Variants in LINGO2 observed in about 807,000 individuals in gnomAD.
LINGO2 encodes the protein leucine rich repeat and Ig domain containing 2, also known as leucine-rich repeat and immunoglobulin-like domain-containing nogo receptor-interacting protein 2.
LINGO2 carries 14 observed loss-of-function variants against 30.6 expected under a neutral mutation model. The ratio of observed to expected loss-of-function variants is 0.46; its 90% CI spans 0.30 to 0.72. The LOEUF is 0.72. LINGO2 is among the 30% of genes least tolerant of loss of function. The pLI, the probability that LINGO2 is intolerant of heterozygous loss-of-function variation, is 0.07. For missense variants in LINGO2, 729 were observed against 751.7 expected, an observed-to-expected ratio of 0.97 and a Z score of 0.35; for synonymous variants, 317 against 288.5, an observed-to-expected ratio of 1.10 and a Z score of -1.00.
chr9:28,926,674 T>G, the LINGO2 span, among the ~76,000 whole-genome samples: 1 of 152,178 alleles, frequency 6.6e-6, no homozygotes, highest in East Asian at 1.9e-4. Flanking sequence ...CTATTTTTAA[T>G]GTGTACGTAA....
At chr9:29,059,317 T>G in the LINGO2 span, among the ~76,000 whole-genome samples, 166 of 151,422 alleles carry the variant, frequency 1.1e-3, 3 homozygotes, top group East Asian at 0.015. Flanking sequence ...GCATAAAAAT[T>G]ACAAAATAAA....
chr9:28,181,639 A>G (rs1564023558), intron 4 of LINGO2, among the ~76,000 whole-genome samples: 2 of 152,196 alleles, frequency 1.3e-5, no homozygotes, highest in Non-Finnish European at 2.9e-5. Context: ...TCAAATTGAC[A>G]GCAAAGACCC....
chr9:28,263,822 T>A (rs1276207120), intron 4 of LINGO2, among the ~76,000 whole-genome samples: 1 of 151,996 alleles, frequency 6.6e-6, no homozygotes, highest in East Asian at 1.9e-4. Context: ...ATCAGTTGGC[T>A]AAGATGGGTT....
At chr9:28,693,800 T>C in the LINGO2 span, among the ~76,000 whole-genome samples, 1 of 152,140 alleles carries the variant, frequency 6.6e-6, no homozygotes, top group Non-Finnish European at 1.5e-5. Context: ...TATACATTTA[T>C]TCATTATACT....
chr9:28,537,900 T>G (rs1448367921), intron 1 of LINGO2, among the ~76,000 whole-genome samples: 1 of 151,814 alleles, frequency 6.6e-6, no homozygotes, highest in Non-Finnish European at 1.5e-5. Context: ...ACACTTCTTT[T>G]AGAAGAAATA....
the LINGO2 span, among the ~76,000 whole-genome samples, chr9:29,176,038 C>G: frequency 6.6e-6 from 1 of 152,270 alleles, no homozygotes; most frequent in African/African-American, 2.4e-5. Context: ...AGTCCTCGAT[C>G]TGCACATACT....
At chr9:28,168,677 G>T (rs1324775732) in intron 4 of LINGO2, among the ~76,000 whole-genome samples, 1 of 152,218 alleles carries the variant, frequency 6.6e-6, no homozygotes, top group Non-Finnish European at 1.5e-5. Flanking sequence ...GACGCATATT[G>T]CTCTAAAGGT....
intron 5 of LINGO2, among the ~76,000 whole-genome samples, chr9:27,999,241 C>A (rs1469321199): frequency 5.3e-5 from 8 of 151,916 alleles, no homozygotes; most frequent in African/African-American, 1.9e-4. Context: ...GACAGAGAAG[C>A]CAAGAGGGTT....
the LINGO2 span, among the ~76,000 whole-genome samples, chr9:28,936,686 G>GA: frequency 6.6e-6 from 1 of 152,118 alleles, no homozygotes; most frequent in Non-Finnish European, 1.5e-5. Context: ...GGGTATTAAT[G>GA]AAATAATGTA....
At chr9:28,896,123 AAT>A in the LINGO2 span, among the ~76,000 whole-genome samples, 1 of 152,168 alleles carries the variant, frequency 6.6e-6, no homozygotes, top group Admixed American at 6.5e-5. Context: ...TGGACAGAAG[AAT>A]AGAGGACAGG....
the LINGO2 span, among the ~76,000 whole-genome samples, chr9:29,195,924 A>G: frequency 1.3e-5 from 2 of 152,252 alleles, no homozygotes; most frequent in South Asian, 4.1e-4. Context: ...AATGTAAGTT[A>G]TCCCTGCATC....
chr9:28,853,042 T>C, the LINGO2 span, among the ~76,000 whole-genome samples: 2 of 152,054 alleles, frequency 1.3e-5, no homozygotes, highest in Non-Finnish European at 2.9e-5. Flanking sequence ...AGCAGGTGAA[T>C]GGCAGACCTG....
At chr9:29,135,012 T>C in the LINGO2 span, among the ~76,000 whole-genome samples, 2 of 152,152 alleles carry the variant, frequency 1.3e-5, no homozygotes, top group Admixed American at 1.3e-4. Context: ...TAATTTTTTT[T>C]ATTGTTTTAG....
At chr9:28,336,057 T>C (rs1825578892) in intron 3 of LINGO2, among the ~76,000 whole-genome samples, 1 of 152,148 alleles carries the variant, frequency 6.6e-6, no homozygotes, top group African/African-American at 2.4e-5. Flanking sequence ...CCATCAGCAT[T>C]ATATGAGAGA....
At chr9:28,319,216 G>A (rs1425973977) in intron 3 of LINGO2, among the ~76,000 whole-genome samples, 3 of 152,128 alleles carry the variant, frequency 2.0e-5, no homozygotes, top group Admixed American at 2.0e-4. Context: ...GATTTCAAAA[G>A]TAATAGGGAT....
the LINGO2 span, among the ~76,000 whole-genome samples, chr9:29,191,667 C>A: frequency 6.6e-6 from 1 of 152,114 alleles, no homozygotes; most frequent in Non-Finnish European, 1.5e-5. Context: ...TTCTCTACAT[C>A]ATTAATACCA....
At chr9:28,188,623 G>A (rs1819629736) in intron 4 of LINGO2, among the ~76,000 whole-genome samples, 1 of 152,014 alleles carries the variant, frequency 6.6e-6, no homozygotes, top group Admixed American at 6.6e-5. Flanking sequence ...GATATAAGAG[G>A]CAGTTAAAAA....
intron 1 of LINGO2, among the ~76,000 whole-genome samples, chr9:28,480,692 C>G (rs1463236330): frequency 6.6e-6 from 1 of 152,090 alleles, no homozygotes; most frequent in African/African-American, 2.4e-5. Context: ...CAGTCTCTTT[C>G]TTGTGCAGTC....
the LINGO2 span, among the ~76,000 whole-genome samples, chr9:28,709,731 A>G: frequency 1.3e-5 from 2 of 152,000 alleles, no homozygotes; most frequent in African/African-American, 4.8e-5. Flanking sequence ...ACTAATTAAA[A>G]TTATATATGT....
Sources: gnomAD v4.1 joint callset for allele counts (sites outside exome capture counted in the v4.1 genomes callset) on GRCh38, gnomAD v4.1.1 for gene constraint, MANE v1.5 for transcripts, NCBI Gene and HGNC (gene_info 2026-07-23, HGNC 2026-07-21) for gene names.